IQCM: variants seen among roughly 807,000 people sequenced by gnomAD.
The protein encoded by IQCM is IQ motif containing M.
In IQCM, 45 loss-of-function variants were observed where a neutral mutation model predicts 57.6. That is an observed-to-expected ratio of 0.78 (90% CI 0.62 to 1.00). The LOEUF (loss-of-function observed/expected upper bound fraction) is 1.00. Among genes scored for constraint, IQCM ranks in the 50% least tolerant of loss-of-function variants. The pLI, the probability that IQCM is intolerant of heterozygous loss-of-function variation, is 0.00. For synonymous variants in IQCM, 148 were observed against 158.9 expected (o/e 0.93, Z 0.51); for missense variants, 468 against 511.6 (o/e 0.91, Z 0.82).
chr4:149,656,356 C>G (rs1160825091), intron 7 of IQCM, among the ~76,000 whole-genome samples: 2 of 151,808 alleles, frequency 1.3e-5, no homozygotes, highest in Admixed American at 1.3e-4. Context: ...GTATAAATTA[C>G]TAAAATCACA....
intron 12 of IQCM, among the ~76,000 whole-genome samples, chr4:149,468,802 CATTTGCTGTTCTGCAAT>C (rs1199280037): frequency 3.3e-5 from 5 of 152,178 alleles, no homozygotes; most frequent in African/African-American, 4.8e-5. Context: ...CAGGCAGCAA[CATTTGCTGTTCTGCAAT>C]ATTTGCTGTT....
chr4:149,364,100 C>T (rs1729674427), intron 13 of IQCM, among the ~76,000 whole-genome samples: 1 of 152,054 alleles, frequency 6.6e-6, no homozygotes, highest in Non-Finnish European at 1.5e-5. Flanking sequence ...AAAAACTGAA[C>T]TGGAAGACTG....
intron 5 of IQCM, among the ~76,000 whole-genome samples, chr4:149,732,353 C>T (rs767079222): frequency 6.6e-6 from 1 of 152,122 alleles, no homozygotes; most frequent in Non-Finnish European, 1.5e-5. Flanking sequence ...CCTACTTCTC[C>T]TGAAAACCCA....
At chr4:149,660,359 T>G (rs1026463081) in intron 7 of IQCM, among the ~76,000 whole-genome samples, 5 of 152,016 alleles carry the variant, frequency 3.3e-5, no homozygotes, top group Non-Finnish European at 7.4e-5. Context: ...TATGGAGAAA[T>G]AGGAACACTT....
chr4:149,616,469 G>A (rs1044707155), intron 8 of IQCM, among the ~76,000 whole-genome samples: 1 of 152,068 alleles, frequency 6.6e-6, no homozygotes, highest in African/African-American at 2.4e-5. Context: ...ACTATGTAGA[G>A]TTTCAGTTTG....
intron 13 of IQCM, among the ~76,000 whole-genome samples, chr4:149,399,825 T>A (rs977931762): frequency 2.0e-5 from 3 of 152,100 alleles, no homozygotes; most frequent in Non-Finnish European, 4.4e-5. Context: ...ATATGCAAAG[T>A]GCTTAGCACA....
chr4:149,428,133 T>C (rs1734583318), intron 13 of IQCM, among the ~76,000 whole-genome samples: 2 of 151,822 alleles, frequency 1.3e-5, no homozygotes, highest in East Asian at 1.9e-4. Context: ...CTTCAAAGAA[T>C]AGCTCAAAAT....
At chr4:149,648,114 TTCA>T (rs1758809844) in intron 7 of IQCM, among the ~76,000 whole-genome samples, 1 of 152,208 alleles carries the variant, frequency 6.6e-6, no homozygotes, top group Non-Finnish European at 1.5e-5. Context: ...TGCAGATATT[TTCA>T]TCTTCTCATT....
chr4:149,591,224 T>A (rs1753129625), intron 8 of IQCM, among the ~76,000 whole-genome samples: 1 of 152,054 alleles, frequency 6.6e-6, no homozygotes, highest in South Asian at 2.1e-4. Flanking sequence ...GTATAATTCA[T>A]CAATTCCCTT....
intron 8 of IQCM, among the ~76,000 whole-genome samples, chr4:149,615,279 A>G (rs916611914): frequency 2.0e-5 from 3 of 152,164 alleles, no homozygotes; most frequent in African/African-American, 7.2e-5. Context: ...TTCCTATCAG[A>G]CTGCAATGTA....
chr4:149,527,450 G>T (rs1746270716), intron 12 of IQCM, among the ~76,000 whole-genome samples: 1 of 152,210 alleles, frequency 6.6e-6, no homozygotes, highest in Non-Finnish European at 1.5e-5. Flanking sequence ...TCTGCCATGT[G>T]AGGATGCAGC....
intron 2 of IQCM, among the ~76,000 whole-genome samples, chr4:149,811,121 CA>C (rs1774527941): frequency 6.6e-6 from 1 of 152,116 alleles, no homozygotes; most frequent in African/African-American, 2.4e-5. Flanking sequence ...CAATTTAGAG[CA>C]AGCCTTTAAA....
intron 13 of IQCM, among the ~76,000 whole-genome samples, chr4:149,368,808 G>GTATA (rs1234842441): frequency 2.2e-5 from 2 of 89,828 alleles, no homozygotes; most frequent in African/African-American, 9.5e-5. Context: ...ATATATACAT[G>GTATA]TATATATATA....
In IQCM at chr4:149,417,096, G is replaced by A. The variant is rs552036524; in HGVS notation, c.1390+16300C>T. On this transcript the variant is annotated intron_variant, in intron 13 of 13. Coordinates refer to ENST00000636793, the MANE Select transcript of IQCM (RefSeq NM_001363507.2). ...GCAACAGAAAGACTTTCACAGGGAAGTGAAGACTTACATAATTTTCAAATT... is the reference window on the plus strand; with the variant it reads ...GCAACAGAAAGACTTTCACAGGGAAATGAAGACTTACATAATTTTCAAATT... Among the ~76,000 whole-genome samples, 74 of 152,284 alleles carry A rather than the reference G, an allele frequency of 4.9e-4. 1 individual carries two copies. The South Asian group carries it at 0.015, about 32-fold the overall frequency.
At chr4:149,732,461 C>A (rs1337835049) in intron 5 of IQCM, among the ~76,000 whole-genome samples, 1 of 152,108 alleles carries the variant, frequency 6.6e-6, no homozygotes, top group Non-Finnish European at 1.5e-5. Flanking sequence ...CACACTCACC[C>A]TCTTACAGCA....
chr4:149,437,383 C>G (rs1306557066), intron 12 of IQCM, among the ~76,000 whole-genome samples: 1 of 152,032 alleles, frequency 6.6e-6, no homozygotes, highest in Non-Finnish European at 1.5e-5. Context: ...TTGAAAAGCC[C>G]TCAGGTCAAA....
intron 2 of IQCM, among the ~76,000 whole-genome samples, chr4:149,788,439 C>T (rs77289008): frequency 0.012 from 1,902 of 152,252 alleles, 47 homozygotes; most frequent in African/African-American, 0.044. Context: ...AAAACCACAA[C>T]TGAATATCGT....
chr4:149,397,172 A>G (rs982657730), intron 13 of IQCM, among the ~76,000 whole-genome samples: 1 of 151,764 alleles, frequency 6.6e-6, no homozygotes, highest in African/African-American at 2.4e-5. Flanking sequence ...ACAATGTGCA[A>G]GTGTTCCAGT....
At chr4:149,727,549 T>C (rs1056175812) in intron 5 of IQCM, among the ~76,000 whole-genome samples, 1 of 152,200 alleles carries the variant, frequency 6.6e-6, no homozygotes, top group African/African-American at 2.4e-5. Context: ...AATTTTTTTC[T>C]GAGTTGACCA....
Sources: allele counts gnomAD v4.1 joint callset (sites outside exome capture counted in the v4.1 genomes callset), GRCh38; gene constraint gnomAD v4.1.1; transcripts MANE v1.5; gene names NCBI Gene and HGNC (gene_info 2026-07-23, HGNC 2026-07-21).